Variants in MPDZ observed in about 807,000 individuals in gnomAD.
MPDZ encodes multiple PDZ domain crumbs cell polarity complex component.
A neutral mutation model predicts 239.1 loss-of-function variants in MPDZ; 234 were observed. That is an observed-to-expected ratio of 0.98 (90% CI 0.88 to 1.09). MPDZ has a LOEUF of 1.09. MPDZ is among the 50% of genes least tolerant of loss of function. The probability of loss-of-function intolerance (pLI) is 0.00; values close to 1 mark genes in which losing one functional copy is unlikely to be tolerated. For synonymous variants in MPDZ, 1,048 were observed against 881.3 expected (o/e 1.19, Z -3.35); for missense variants, 3,175 against 2,510.0 (o/e 1.26, Z -5.66).
chr9:13,144,539 C>G (rs1948181274), intron 26 of MPDZ, among the ~76,000 whole-genome samples: 1 of 151,912 alleles, frequency 6.6e-6, no homozygotes, highest in Admixed American at 6.6e-5. Context: ...ATTTTGGCTC[C>G]AATTAAATGT....
chr9:13,276,569 C>T (rs896694142), intron 1 of MPDZ: 10 of 152,114 alleles, frequency 6.6e-5, no homozygotes, highest in Admixed American at 4.6e-4. Context: ...ATCACTCATA[C>T]GCACCATCAA....
chr9:13,175,172 A>G (rs761393752), intron 21 of MPDZ, among the ~76,000 whole-genome samples: 25 of 152,284 alleles, frequency 1.6e-4, no homozygotes, highest in African/African-American at 5.8e-4. Flanking sequence ...AGTTTTAGCT[A>G]TTGTAATTAG....
At chr9:13,179,600 G>C (rs1438659044) in intron 19 of MPDZ, among the ~76,000 whole-genome samples, 3 of 152,060 alleles carry the variant, frequency 2.0e-5, no homozygotes, top group Admixed American at 2.0e-4. Context: ...AAGAAAAACA[G>C]TTCTTCCCTC....
chr9:13,272,088 C>CA (rs570809455), intron 1 of MPDZ, among the ~76,000 whole-genome samples: 2 of 152,100 alleles, frequency 1.3e-5, no homozygotes, highest in Admixed American at 1.3e-4. Flanking sequence ...TCAAAACAGC[C>CA]AAAATTCAAC....
At chr9:13,245,119 CATTA>C (rs1307203552) in intron 3 of MPDZ, among the ~76,000 whole-genome samples, 24 of 151,914 alleles carry the variant, frequency 1.6e-4, no homozygotes, top group African/African-American at 5.1e-4. Flanking sequence ...TTCCTGAATT[CATTA>C]ATTATTAAAT....
intron 26 of MPDZ, 93 bp downstream of exon 26, chr9:13,147,455 C>G: frequency 1.1e-6 from 1 of 906,524 alleles, no homozygotes; most frequent in South Asian, 1.4e-5. Context: ...AAATCACTAT[C>G]TTTACTCATA....
chr9:13,117,367 C>CA (rs1375206800), intron 39 of MPDZ, among the ~76,000 whole-genome samples: 1 of 151,616 alleles, frequency 6.6e-6, no homozygotes, highest in African/African-American at 2.4e-5. Context: ...CTGCCTCTAC[C>CA]AAAAATACAA....
chr9:13,225,304 T>C (rs1311049028), intron 3 of MPDZ, among the ~76,000 whole-genome samples: 1 of 152,108 alleles, frequency 6.6e-6, no homozygotes, highest in African/African-American at 2.4e-5. Context: ...GTGTACAGTA[T>C]TTATAACTTA....
intron 46 of MPDZ, among the ~76,000 whole-genome samples, chr9:13,107,323 G>C (rs559555384): frequency 7.9e-5 from 12 of 152,186 alleles, no homozygotes; most frequent in Non-Finnish European, 1.5e-4. Context: ...ATACCAATTT[G>C]AGAGAGAATT....
chr9:13,164,500 T>G (rs1165086878), intron 22 of MPDZ, among the ~76,000 whole-genome samples: 2 of 152,074 alleles, frequency 1.3e-5, no homozygotes, highest in Non-Finnish European at 2.9e-5. Context: ...AACGTAAGTT[T>G]AAAAAGCCAG....
intron 12 of MPDZ, among the ~76,000 whole-genome samples, chr9:13,200,518 T>A (rs1013728571): frequency 2.0e-5 from 3 of 152,128 alleles, no homozygotes; most frequent in Non-Finnish European, 2.9e-5. Context: ...TTTGTTTATT[T>A]GAAGTCTGTC....
chr9:13,243,081 T>G (rs1035115556), intron 3 of MPDZ, among the ~76,000 whole-genome samples: 1 of 152,226 alleles, frequency 6.6e-6, no homozygotes, highest in Non-Finnish European at 1.5e-5. Flanking sequence ...CCATTTTCCA[T>G]GCTGTTGCCT....
chr9:13,148,322 T>C (rs1420111410), intron 25 of MPDZ, among the ~76,000 whole-genome samples: 2 of 152,064 alleles, frequency 1.3e-5, no homozygotes, highest in Non-Finnish European at 2.9e-5. Flanking sequence ...CTTACACACT[T>C]TATGAATAAG....
At chr9:13,271,782 T>TA (rs1485530585) in intron 1 of MPDZ, among the ~76,000 whole-genome samples, 2 of 152,162 alleles carry the variant, frequency 1.3e-5, no homozygotes, top group African/African-American at 4.8e-5. Flanking sequence ...TCTTTAATGG[T>TA]ATATCCATGC....
chr9:13,123,209 A>G lies in MPDZ; in HGVS notation c.4897T>C (p.Ser1633Pro). 1.2e-6 allele frequency: 2 copies of G among 1,613,480 alleles called. No homozygotes were observed. Among genetic ancestry groups the G allele is most frequent in the Non-Finnish European group, 8.5e-7 (1 of 1,179,834 alleles). ...AGGCCCAGCCCTGTTCGCCCTTTGG[A>G]AATCTCGATGGTTGTTTCGCAGCCA... Reference protein sequence around the residue: ...IPGCETTIEISKGRTGLGLSI... With the variant: ...IPGCETTIEIPKGRTGLGLSI... Residue 1633 changes from serine (S) to proline (P), a missense_variant, in exon 36 of 47, where the codon TCC becomes CCC. Ser to Pro is a moderately conservative substitution (Grantham distance 74). Transcript: ENST00000319217.
At chr9:13,210,027 A>G (rs1957432834) in intron 10 of MPDZ, among the ~76,000 whole-genome samples, 1 of 151,670 alleles carries the variant, frequency 6.6e-6, no homozygotes, top group South Asian at 2.1e-4. Context: ...ACCCAACTCT[A>G]CAAATCAAAA....
intron 3 of MPDZ, among the ~76,000 whole-genome samples, chr9:13,225,672 T>C (rs545247227): frequency 2.0e-4 from 30 of 152,048 alleles, no homozygotes; most frequent in Non-Finnish European, 3.4e-4. Context: ...TATAGTAACA[T>C]GCTGTACAGG....
At chr9:13,262,548 C>G (rs543710208) in intron 1 of MPDZ, among the ~76,000 whole-genome samples, 1 of 151,594 alleles carries the variant, frequency 6.6e-6, no homozygotes, top group East Asian at 1.9e-4. Flanking sequence ...CAAGTATACA[C>G]GTTAAAACTT....
rs114761841 is a variant in MPDZ, at chr9:13,168,733, T to C, written c.3056-169A>G. 4.6e-3 allele frequency among the ~76,000 whole-genome samples: 703 copies of C among 152,294 alleles called. 4 individuals are homozygous for C. The highest frequency in any genetic ancestry group is 0.016 in the African/African-American group (677 of 41,570). On this transcript the variant is annotated intron_variant, in intron 21 of 46. Coordinates refer to ENST00000319217, the MANE Select transcript of MPDZ (RefSeq NM_001378778.1). ...AAGTGTTTCTAACAAAAAATATTTT[T>C]AAGTAAATTGTAAATGTTTGTGAAA...
Sources: gnomAD v4.1 joint callset for allele counts (sites outside exome capture counted in the v4.1 genomes callset) on GRCh38, gnomAD v4.1.1 for gene constraint, MANE v1.5 for transcripts, NCBI Gene and HGNC (gene_info 2026-07-23, HGNC 2026-07-21) for gene names.